The following KIF26B variants were observed in gnomAD, a reference collection of about 807,000 sequenced individuals.
KIF26B encodes kinesin-like protein KIF26B.
In KIF26B, 63 loss-of-function variants were observed where a neutral mutation model predicts 151.2. The observed-to-expected ratio is 0.42, with a 90% CI of 0.34 to 0.51. The LOEUF (loss-of-function observed/expected upper bound fraction) is 0.51, where lower values mean the gene tolerates loss of function less well. KIF26B is among the 20% of genes least tolerant of loss of function. The probability of loss-of-function intolerance (pLI) is 0.07; values close to 1 mark genes in which losing one functional copy is unlikely to be tolerated. For synonymous variants in KIF26B, 1,357 were observed against 1,262.1 expected (o/e 1.08, Z -1.59); for missense variants, 2,813 against 2,913.6 (o/e 0.97, Z 0.79).
At chr1:245,255,606 C>A (rs529348251) in intron 2 of KIF26B, among the ~76,000 whole-genome samples, 47 of 152,302 alleles carry the variant, frequency 3.1e-4, no homozygotes, top group South Asian at 1.2e-3. Context: ...CATGAGCTGA[C>A]CCAGTGGCTT....
intron 3 of KIF26B, among the ~76,000 whole-genome samples, chr1:245,384,655 A>G (rs939963344): frequency 3.3e-5 from 5 of 152,234 alleles, no homozygotes; most frequent in Non-Finnish European, 2.9e-5. Flanking sequence ...CACCACCTGC[A>G]TGGAGGAATC....
intron 2 of KIF26B, among the ~76,000 whole-genome samples, chr1:245,266,398 C>T (rs1341056415): frequency 6.6e-6 from 1 of 152,202 alleles, no homozygotes; most frequent in African/African-American, 2.4e-5. Flanking sequence ...TCTATTACCA[C>T]ACAGTTCTGC....
chr1:245,581,923 A>G (rs1295162260), intron 5 of KIF26B, among the ~76,000 whole-genome samples: 2 of 130,920 alleles, frequency 1.5e-5, no homozygotes, highest in Non-Finnish European at 3.4e-5. Flanking sequence ...TCAAAGAGAG[A>G]AAGAGGAAGG....
chr1:245,572,694 C>T lies in KIF26B; in HGVS notation c.1351-29883C>T, dbSNP rs192854818. Among the ~76,000 whole-genome samples, 1 of 152,342 alleles carries T rather than the reference C, an allele frequency of 6.6e-6. No individual in the cohort carries two copies. The highest frequency in any genetic ancestry group is 6.5e-5 in the Admixed American group (1 of 15,302). ...GATACTATTCCTTACTTCTCACATT[C>T]ATCCCATTCTAATGCCCACATTTAC... On this transcript the variant is annotated intron_variant, in intron 5 of 14. Coordinates refer to ENST00000407071, the MANE Select transcript of KIF26B (RefSeq NM_018012.4). The surrounding 1 kb of genome is among the most constrained non-coding windows in gnomAD (Gnocchi z 4.2).
At chr1:245,279,730 C>T (rs761658036) in intron 2 of KIF26B, among the ~76,000 whole-genome samples, 36 of 152,108 alleles carry the variant, frequency 2.4e-4, no homozygotes, top group Non-Finnish European at 4.7e-4. Flanking sequence ...TCATTTCTCC[C>T]CAAGTAATCA....
chr1:245,372,972 G>A (rs547157067), intron 3 of KIF26B, among the ~76,000 whole-genome samples: 2 of 152,304 alleles, frequency 1.3e-5, no homozygotes, highest in South Asian at 2.1e-4. Flanking sequence ...AGAAGAAGGC[G>A]TGAAAATATT....
At chr1:245,319,467 C>A (rs1276563213) in intron 2 of KIF26B, among the ~76,000 whole-genome samples, 1 of 151,758 alleles carries the variant, frequency 6.6e-6, no homozygotes, top group African/African-American at 2.4e-5. Flanking sequence ...GAGGTGACTT[C>A]ATTCTTACAT....
chr1:245,467,435 GTCT>G (rs768065084), intron 4 of KIF26B, among the ~76,000 whole-genome samples: 108 of 152,264 alleles, frequency 7.1e-4, no homozygotes, highest in Non-Finnish European at 1.2e-3. Flanking sequence ...GGAGAAAAGG[GTCT>G]TCTTCTATCA....
In KIF26B at chr1:245,387,037, G is replaced by A. The variant is rs570116244; in HGVS notation, c.999+19670G>A. On this transcript the variant is annotated intron_variant, in intron 3 of 14. Transcript: ENST00000407071. ...AATTCCCCTGCGCATCTGAAAGAAT[G>A]CTTCATAGCTTTGAATTAGATGAAC... Among the ~76,000 whole-genome samples, 253 of 152,304 alleles carry A rather than the reference G, an allele frequency of 1.7e-3. 1 individual carries two copies. The highest frequency in any genetic ancestry group is 5.3e-3 in the African/African-American group (219 of 41,566).
Position 245,488,417 on chromosome 1 carries a change from A to G in KIF26B, c.1167-52350A>G, listed in dbSNP as rs1335533893. Among the ~76,000 whole-genome samples, 1 of 152,170 alleles carries G rather than the reference A, an allele frequency of 6.6e-6. No homozygotes were observed. The highest frequency in any genetic ancestry group is 1.5e-5 in the Non-Finnish European group (1 of 68,036). ...TATGCTCTCTGAAAACTCTACCCAG[A>G]TCGTACACTCCTTGCTGGGTAGGAT... On this transcript the variant is annotated intron_variant, in intron 4 of 14. Coordinates refer to ENST00000407071, the MANE Select transcript of KIF26B (RefSeq NM_018012.4). This position sits in a 1 kb window ranked among gnomAD's most constrained non-coding sequence, Gnocchi z 4.6.
chr1:245,638,618 G>C (rs2043857731), intron 9 of KIF26B, among the ~76,000 whole-genome samples: 1 of 151,980 alleles, frequency 6.6e-6, no homozygotes, highest in African/African-American at 2.4e-5. Flanking sequence ...GACATAAGCT[G>C]TGAGTGTGTA....
At chr1:245,231,007 A>G (rs1423247592) in intron 2 of KIF26B, among the ~76,000 whole-genome samples, 2 of 152,134 alleles carry the variant, frequency 1.3e-5, no homozygotes, top group African/African-American at 4.8e-5. Flanking sequence ...CATCTCAGGC[A>G]TGAAGACGAG....
intron 3 of KIF26B, among the ~76,000 whole-genome samples, chr1:245,417,822 G>C (rs1430844399): frequency 2.0e-5 from 3 of 152,226 alleles, no homozygotes; most frequent in Non-Finnish European, 2.9e-5. Context: ...CTGCTCTCTG[G>C]CTTTGCAGGG....
chr1:245,425,365 G>T (rs1658618232), intron 4 of KIF26B, among the ~76,000 whole-genome samples: 1 of 152,060 alleles, frequency 6.6e-6, no homozygotes, highest in Non-Finnish European at 1.5e-5. Flanking sequence ...TCATATCTTT[G>T]CATTGATTTT....
intron 2 of KIF26B, among the ~76,000 whole-genome samples, chr1:245,209,424 A>T (rs1165279634): frequency 3.3e-5 from 5 of 152,122 alleles, no homozygotes; most frequent in African/African-American, 4.8e-5. Flanking sequence ...AAGAAAAAAA[A>T]TAAAAAAAGA....
chr1:245,700,963 CA>C (rs2044763121), intron 14 of KIF26B, among the ~76,000 whole-genome samples: 1 of 152,044 alleles, frequency 6.6e-6, no homozygotes, highest in African/African-American at 2.4e-5. Context: ...TTGCTATTTT[CA>C]TTAACATTTT....
At chr1:245,676,880 A>T (rs1558264817) in intron 10 of KIF26B, among the ~76,000 whole-genome samples, 1 of 152,010 alleles carries the variant, frequency 6.6e-6, no homozygotes. Flanking sequence ...GGGAACCATC[A>T]CTTCTCTCCT....
intron 9 of KIF26B, among the ~76,000 whole-genome samples, chr1:245,629,542 T>C (rs2043757979): frequency 1.3e-5 from 2 of 152,236 alleles, no homozygotes; most frequent in Admixed American, 6.5e-5. Context: ...GCTAGCCGTA[T>C]GCAGAAAACT....
intron 2 of KIF26B, among the ~76,000 whole-genome samples, chr1:245,199,405 C>A (rs1029527560): frequency 4.0e-5 from 6 of 151,756 alleles, no homozygotes; most frequent in Non-Finnish European, 8.8e-5. Flanking sequence ...CAGGTTGCTT[C>A]TTTGTTTCCA....
Sources: allele counts gnomAD v4.1 joint callset (sites outside exome capture counted in the v4.1 genomes callset), GRCh38; gene constraint gnomAD v4.1.1; non-coding constraint Gnocchi (gnomAD v3.1); transcripts MANE v1.5; gene names NCBI Gene and HGNC (gene_info 2026-07-23, HGNC 2026-07-21).